Variants in SKAP2 observed in about 807,000 individuals in gnomAD.
The protein encoded by SKAP2 is src kinase-associated phosphoprotein 2.
A neutral mutation model predicts 54.9 loss-of-function variants in SKAP2; 28 were observed. The ratio of observed to expected loss-of-function variants is 0.51; its 90% CI spans 0.38 to 0.70. The LOEUF (loss-of-function observed/expected upper bound fraction) is 0.70, where lower values mean the gene tolerates loss of function less well. Ranked by LOEUF, SKAP2 falls within the 30% of genes least tolerant of loss-of-function variation. The probability of loss-of-function intolerance (pLI) is 0.00; values close to 1 mark genes in which losing one functional copy is unlikely to be tolerated. For missense variants in SKAP2, 356 were observed against 424.1 expected (o/e 0.84, Z 1.41); for synonymous variants, 137 against 134.3 (o/e 1.02, Z -0.14).
rs17154572 is a variant in SKAP2 at position 26,827,894 on chromosome 7, T to C, written c.307+16136A>G. ...GCCACACACTGATAGCAAGTGCTGC[T>C]TAGAAAATTCACATGGCCTCTTTGT... On this transcript the variant is annotated intron_variant, in intron 4 of 12. Coordinates refer to ENST00000345317, the MANE Select transcript of SKAP2 (RefSeq NM_003930.5). Among the ~76,000 whole-genome samples, 78 of 152,316 alleles carry C rather than the reference T, an allele frequency of 5.1e-4. 1 individual carries two copies. Among genetic ancestry groups the C allele is most frequent in the African/African-American group, 1.8e-3 (74 of 41,574 alleles).
intron 1 of SKAP2, among the ~76,000 whole-genome samples, chr7:26,861,317 A>G (rs761938337): frequency 3.9e-5 from 6 of 152,096 alleles, no homozygotes; most frequent in Non-Finnish European, 8.8e-5. Flanking sequence ...TTAAATGGAC[A>G]AGATTTGGGA....
intron 4 of SKAP2, among the ~76,000 whole-genome samples, chr7:26,760,962 T>C (rs1007385834): frequency 2.6e-5 from 4 of 152,232 alleles, no homozygotes; most frequent in Admixed American, 2.0e-4. Flanking sequence ...TACTGGAAAC[T>C]GTTCACTGAA....
chr7:26,860,572 C>T (rs1016297034), intron 1 of SKAP2, among the ~76,000 whole-genome samples: 1 of 151,946 alleles, frequency 6.6e-6, no homozygotes, highest in African/African-American at 2.4e-5. Context: ...GCACTCTTCC[C>T]TTTACATACT....
chr7:26,861,615 C>CTTTTTTTTTTTTT (rs34331819), intron 1 of SKAP2, among the ~76,000 whole-genome samples: 1 of 116,144 alleles, frequency 8.6e-6, no homozygotes, highest in Non-Finnish European at 1.8e-5. Flanking sequence ...ATAACAACCT[C>CTTTTTTTTTTTTT]TTTTTTTTTT....
At chr7:26,738,307 A>G (rs982056092) in intron 6 of SKAP2, among the ~76,000 whole-genome samples, 7 of 152,246 alleles carry the variant, frequency 4.6e-5, no homozygotes, top group African/African-American at 1.7e-4. Flanking sequence ...CAAAGTGCTT[A>G]GAACGGTGCC....
chr7:26,846,123 G>A (rs1014986059), intron 3 of SKAP2, among the ~76,000 whole-genome samples: 1 of 151,890 alleles, frequency 6.6e-6, no homozygotes, highest in Admixed American at 6.6e-5. Flanking sequence ...ATGAAATTAA[G>A]AATTTTTGTG....
intron 11 of SKAP2, among the ~76,000 whole-genome samples, chr7:26,675,298 C>T (rs1450343663): frequency 1.3e-5 from 2 of 152,166 alleles, no homozygotes; most frequent in Admixed American, 6.5e-5. Context: ...CTCATTCTAC[C>T]TCTGTATGTA....
chr7:26,744,538 GGAGA>G (rs759285192), intron 4 of SKAP2, among the ~76,000 whole-genome samples: 1 of 152,092 alleles, frequency 6.6e-6, no homozygotes, highest in Non-Finnish European at 1.5e-5. Flanking sequence ...TAGAGTTGGG[GGAGA>G]GAGAGAAAGA....
chr7:26,764,493 AT>A (rs1194443605), intron 4 of SKAP2, among the ~76,000 whole-genome samples: 4 of 152,082 alleles, frequency 2.6e-5, no homozygotes, highest in Non-Finnish European at 5.9e-5. Flanking sequence ...CATTTTAATA[AT>A]TTTTAAAATA....
rs79483017 is a variant in SKAP2 at position 26,826,775 on chromosome 7, C to T, written c.307+17255G>A. ...AATCTATAAATAAGGTCCTTAAAGA[C>T]AGTGACATACCTTATTAATCATTTT... On this transcript the variant is annotated intron_variant, in intron 4 of 12. Transcript: ENST00000345317. Among the ~76,000 whole-genome samples, 18 of 152,262 alleles carry T rather than the reference C, an allele frequency of 1.2e-4. No homozygotes were observed. In the East Asian group the frequency reaches 3.5e-3, roughly 29 times the overall value.
rs571773167 is a variant in SKAP2, at chr7:26,762,830, A to T, written c.308-22866T>A. ...ATAACCTCTTTCAAAAACCTTTCAG[A>T]CTCTTCCTTAGACACCCAAGTAACC... On this transcript the variant is annotated intron_variant, in intron 4 of 12. Transcript: ENST00000345317. Among the ~76,000 whole-genome samples, 247 of 152,288 alleles carry T rather than the reference A, an allele frequency of 1.6e-3. 6 individuals carry two copies. The South Asian group carries it at 0.05, about 31-fold the overall frequency.
chr7:26,688,830 T>A (rs1252887799), intron 10 of SKAP2, among the ~76,000 whole-genome samples: 1 of 152,198 alleles, frequency 6.6e-6, no homozygotes, highest in East Asian at 1.9e-4. Context: ...CATCTGTATG[T>A]ATCCACTTTC....
chr7:26,811,483 C>T (rs552138724), intron 4 of SKAP2, among the ~76,000 whole-genome samples: 108 of 152,280 alleles, frequency 7.1e-4, no homozygotes, highest in African/African-American at 2.6e-3. Flanking sequence ...AGAAAAGCAC[C>T]AGAAACCTCT....
intron 6 of SKAP2, among the ~76,000 whole-genome samples, chr7:26,727,993 T>C (rs1787743344): frequency 6.6e-6 from 1 of 152,194 alleles, no homozygotes; most frequent in African/African-American, 2.4e-5. Flanking sequence ...AAAAGATACA[T>C]CTCCTTTTCT....
At chr7:26,762,244 G>A (rs1055568775) in intron 4 of SKAP2, among the ~76,000 whole-genome samples, 7 of 151,944 alleles carry the variant, frequency 4.6e-5, no homozygotes, top group Admixed American at 1.3e-4. Context: ...ACTCCAGCCT[G>A]GGTGACAGAG....
At position 26,739,881 on chromosome 7, in the gene SKAP2, G is replaced by T. The variant is rs1782394121; in HGVS notation, c.385+6C>A. 3 of 1,596,946 alleles carry T rather than the reference G, an allele frequency of 1.9e-6. No homozygotes were observed. The highest frequency in any genetic ancestry group is 8.6e-7 in the Non-Finnish European group (1 of 1,166,656). ...TTTACATTTTTCATTAGAACCTTCA[G>T]TTTACCTTTTCTGCGTTTTTCAAGG... On this transcript the variant is annotated splice_donor_region_variant and intron_variant, in intron 5 of 12. Transcript: ENST00000345317.
intron 4 of SKAP2, among the ~76,000 whole-genome samples, chr7:26,799,338 C>T (rs1282778912): frequency 6.6e-6 from 1 of 151,348 alleles, no homozygotes; most frequent in Admixed American, 6.6e-5. Context: ...CACCTATAAG[C>T]ACACATAGAC....
intron 3 of SKAP2, 56 bp from the exon 4 acceptor site, chr7:26,844,193 T>A: frequency 2.1e-6 from 2 of 948,028 alleles, no homozygotes; most frequent in Non-Finnish European, 3.4e-6. Flanking sequence ...CCATTTAAAG[T>A]AATGTTACTT....
intron 4 of SKAP2, among the ~76,000 whole-genome samples, chr7:26,756,102 G>C (rs1383875384): frequency 6.6e-6 from 1 of 152,142 alleles, no homozygotes; most frequent in Admixed American, 6.5e-5. Context: ...TACTAATGTA[G>C]AAAGATGTCC....
Sources: allele counts gnomAD v4.1 joint callset (sites outside exome capture counted in the v4.1 genomes callset), GRCh38; gene constraint gnomAD v4.1.1; transcripts MANE v1.5; gene names NCBI Gene and HGNC (gene_info 2026-07-23, HGNC 2026-07-21).